ARB2A: variants seen among roughly 807,000 people sequenced by gnomAD.
ARB2A encodes the protein ARB2 cotranscriptional regulator A.
At chr5:94,053,871 T>A in the ARB2A span, among the ~76,000 whole-genome samples, 1 of 152,112 alleles carries the variant, frequency 6.6e-6, no homozygotes, top group Admixed American at 6.6e-5. Context: ...CAGGCTCAAG[T>A]GATCCTCCCA....
the ARB2A span, among the ~76,000 whole-genome samples, chr5:93,639,032 T>C: frequency 6.6e-6 from 1 of 152,214 alleles, no homozygotes; most frequent in African/African-American, 2.4e-5. Context: ...CTTTAAACTA[T>C]AAACAAAATG....
the ARB2A span, among the ~76,000 whole-genome samples, chr5:93,884,218 ATTATC>A: frequency 6.6e-6 from 1 of 151,596 alleles, no homozygotes; most frequent in African/African-American, 2.4e-5. Flanking sequence ...TTGTAAGACT[ATTATC>A]TTATTACTTA....
chr5:93,919,137 C>A, the ARB2A span, among the ~76,000 whole-genome samples: 11 of 152,020 alleles, frequency 7.2e-5, 1 homozygote, highest in Admixed American at 7.2e-4. Flanking sequence ...GGGGAAGCAG[C>A]AATGTTTTAG....
chr5:94,104,576 T>C, the ARB2A span, among the ~76,000 whole-genome samples: 6 of 151,962 alleles, frequency 3.9e-5, no homozygotes, highest in African/African-American at 1.4e-4. Flanking sequence ...CCACCCAACA[T>C]ATAAAGAAGA....
chr5:94,093,147 T>C, the ARB2A span, among the ~76,000 whole-genome samples: 1 of 152,170 alleles, frequency 6.6e-6, no homozygotes, highest in Non-Finnish European at 1.5e-5. Context: ...GTCCTTCTGA[T>C]ACATTTCTTC....
At chr5:93,664,209 T>C in the ARB2A span, among the ~76,000 whole-genome samples, 1 of 151,984 alleles carries the variant, frequency 6.6e-6, no homozygotes, top group Non-Finnish European at 1.5e-5. Context: ...GCTTCCCAAG[T>C]AGCTAAGACT....
the ARB2A span, among the ~76,000 whole-genome samples, chr5:93,674,478 C>T: frequency 2.0e-5 from 3 of 152,130 alleles, no homozygotes; most frequent in African/African-American, 4.8e-5. Context: ...AATATGCTCT[C>T]GATCTCACTT....
the ARB2A span, among the ~76,000 whole-genome samples, chr5:94,100,412 A>G: frequency 6.6e-6 from 1 of 152,210 alleles, no homozygotes; most frequent in African/African-American, 2.4e-5. Flanking sequence ...TACCAAAGGC[A>G]TTCTTCACAG....
the ARB2A span, among the ~76,000 whole-genome samples, chr5:93,763,366 T>C: frequency 1.3e-5 from 2 of 151,468 alleles, no homozygotes; most frequent in Non-Finnish European, 1.5e-5. Flanking sequence ...ACCAAGCAAA[T>C]GGAAAACAAA....
chr5:94,051,687 C>G, the ARB2A span, among the ~76,000 whole-genome samples: 3 of 152,166 alleles, frequency 2.0e-5, no homozygotes, highest in Non-Finnish European at 4.4e-5. Flanking sequence ...TTCCATTTTA[C>G]GTGCCAAAGA....
the ARB2A span, among the ~76,000 whole-genome samples, chr5:93,624,574 A>T: frequency 6.6e-6 from 1 of 152,296 alleles, no homozygotes; most frequent in East Asian, 1.9e-4. Flanking sequence ...AGTAAAATGT[A>T]AAGGATCACA....
the ARB2A span, among the ~76,000 whole-genome samples, chr5:93,929,822 T>C: frequency 1.3e-5 from 2 of 152,206 alleles, no homozygotes; most frequent in East Asian, 1.9e-4. Context: ...GTTATGTCAC[T>C]TGACATACAT....
chr5:94,099,554 G>A, the ARB2A span, among the ~76,000 whole-genome samples: 1 of 144,306 alleles, frequency 6.9e-6, no homozygotes, highest in Non-Finnish European at 1.5e-5. Flanking sequence ...AACCCGGGAG[G>A]CAGAGCTTGC....
the ARB2A span, among the ~76,000 whole-genome samples, chr5:93,803,713 TA>T: frequency 1.3e-3 from 184 of 141,298 alleles, no homozygotes; most frequent in African/African-American, 3.1e-3. Context: ...ACTTAAAAGT[TA>T]AAAAAAAAAA....
chr5:93,802,042 A>G, the ARB2A span, among the ~76,000 whole-genome samples: 2 of 152,114 alleles, frequency 1.3e-5, no homozygotes, highest in Non-Finnish European at 2.9e-5. Flanking sequence ...TATTCTGAAT[A>G]TTGAATCCTA....
the ARB2A span, among the ~76,000 whole-genome samples, chr5:93,885,933 G>A: frequency 6.6e-6 from 1 of 151,692 alleles, no homozygotes; most frequent in Non-Finnish European, 1.5e-5. Context: ...ACCAACAAAT[G>A]ATGGCTTAGG....
the ARB2A span, among the ~76,000 whole-genome samples, chr5:94,002,347 C>T: frequency 2.0e-5 from 3 of 152,068 alleles, no homozygotes; most frequent in African/African-American, 7.2e-5. Context: ...AGGTAAAACA[C>T]ACAAAAGTAG....
chr5:93,628,052 ATTTTT>A, the ARB2A span, among the ~76,000 whole-genome samples: 15 of 68,300 alleles, frequency 2.2e-4, no homozygotes, highest in African/African-American at 8.4e-4. Context: ...ATGTAGCATA[ATTTTT>A]TTTTTTTTTT....
the ARB2A span, among the ~76,000 whole-genome samples, chr5:93,833,890 A>G: frequency 2.0e-5 from 3 of 152,190 alleles, no homozygotes; most frequent in Non-Finnish European, 4.4e-5. Flanking sequence ...ATACATGAGT[A>G]TATTGTATAG....
Sources: gnomAD v4.1 joint callset for allele counts (sites outside exome capture counted in the v4.1 genomes callset) on GRCh38, gnomAD v4.1.1 for gene constraint, MANE v1.5 for transcripts, NCBI Gene and HGNC (gene_info 2026-07-23, HGNC 2026-07-21) for gene names.